ATRIP: variants seen among roughly 807,000 people sequenced by gnomAD.
ATRIP encodes ATR-interacting protein.
ATRIP carries 44 observed loss-of-function variants against 78.1 expected under a neutral mutation model. The ratio of observed to expected loss-of-function variants is 0.56; its 90% CI spans 0.44 to 0.72. The LOEUF (loss-of-function observed/expected upper bound fraction) is 0.72. ATRIP is among the 30% of genes least tolerant of loss of function. ATRIP has a pLI of 0.00. For synonymous variants in ATRIP, 388 were observed against 408.9 expected (o/e 0.95, Z 0.62); for missense variants, 927 against 980.2 (o/e 0.95, Z 0.72).
rs2040273816 is a variant in ATRIP at position 48,465,903 on chromosome 3, C to T, written c.*349C>T. 9.9e-6 allele frequency: 3 copies of T among 303,664 alleles called. No homozygotes were observed. The highest frequency in any genetic ancestry group is 1.9e-5 in the Non-Finnish European group (3 of 156,554). The allele number at this position is 303,664 out of a possible 1,614,324, so 18.8% of individuals were successfully genotyped here. ...GAAGGAGGTGGCTCTTGGCCCAGGC[C>T]TAAACCAGGAAAGCCTGGGAAACTG... On this transcript the variant is annotated 3_prime_UTR_variant, in exon 13 of 13. Transcript: ENST00000320211.
chr3:48,457,881 TTTA>T lies in ATRIP; in HGVS notation c.829+473_829+475del, dbSNP rs1246337709. On this transcript the variant is annotated intron_variant, in intron 5 of 12. Transcript: ENST00000320211. ...TTTAATTTTTATTTTTTATTTTTAT[TTTA>T]TTATTATACTTTAAATTTTAGGGTA... Among the ~76,000 whole-genome samples, 6 of 152,090 alleles carry T rather than the reference TTTA, an allele frequency of 3.9e-5. No homozygotes were observed. In the East Asian group the frequency reaches 5.8e-4, roughly 15 times the overall value.
chr3:48,464,249 T>G lies in ATRIP; in HGVS notation c.1974+117T>G. ...CTTTAATTCATTTTAGTAACAAGAG[T>G]TGATAAAGCAACTAAAGAGGTAAAC... is the stretch of plus-strand genomic sequence containing the variant. On this transcript the variant is annotated intron_variant, in intron 10 of 12. Transcript: ENST00000320211. The G allele has an allele frequency of 1.4e-5, 14 of 975,370 alleles. No individual in the cohort carries two copies. In the South Asian group the frequency reaches 1.9e-4, roughly 13 times the overall value. The allele number at this position is 975,370 out of a possible 1,614,324, so 60.4% of individuals were successfully genotyped here.
chr3:48,447,016 C>T lies in ATRIP; in HGVS notation c.171C>T (p.Ala57=). The change falls in exon 1 of 13, where the codon GCC becomes GCT. Residue 57 remains alanine (A), a synonymous_variant. Transcript: ENST00000320211. ...TCGGCGCGCATGGGGACTTCACTGC[C>T]GACGACCTGGAGGAGCTTGACACCC... ...DPFGAHGDFT[A]DDLEELDTLA... is the part of the protein sequence containing the mutation. 1 of 1,581,262 alleles carries T rather than the reference C, an allele frequency of 6.3e-7. No homozygotes were observed. The highest frequency in any genetic ancestry group is 8.6e-7 in the Non-Finnish European group (1 of 1,166,590).
chr3:48,465,325 G>T (rs1374525250), intron 12 of ATRIP, among the ~76,000 whole-genome samples, 162 bp from the exon 13 acceptor site: 1 of 152,260 alleles, frequency 6.6e-6, no homozygotes, highest in Non-Finnish European at 1.5e-5. Context: ...AGCCGTGTCT[G>T]AATTGCCTTT....
chr3:48,465,054 G>A lies in ATRIP; in HGVS notation c.2279G>A (p.Arg760Gln), dbSNP rs140230462. ...ATGCCGGGGGTCAGCATGCTCATCCGAGGGCTTCCTGATGTGACGGACTGT... is the reference window on the plus strand; with the variant it reads ...ATGCCGGGGGTCAGCATGCTCATCCAAGGGCTTCCTGATGTGACGGACTGT... ...QVMPGVSMLI[R>Q]GLPDVTDCEE... The change falls in exon 12 of 13, where the codon CGA (arginine) becomes CAA (glutamine). Residue 760 changes from arginine (R) to glutamine (Q), a missense_variant. Physicochemically the swap from Arg to Gln is conservative, Grantham distance 43. Coordinates refer to ENST00000320211, the MANE Select transcript of ATRIP (RefSeq NM_130384.3). 20 of 1,612,774 alleles carry A rather than the reference G, an allele frequency of 1.2e-5. 1 individual carries two copies. Among genetic ancestry groups the A allele is most frequent in the East Asian group, 2.2e-5 (1 of 44,864 alleles).
At chr3:48,451,975 TC>T in intron 3 of ATRIP, 76 bp downstream of exon 3, 1 of 1,371,834 alleles carries the variant, frequency 7.3e-7, no homozygotes, top group East Asian at 2.4e-5. Flanking sequence ...CTGTAAATCT[TC>T]CAGGGAGATT....
chr3:48,465,072 C>CGGACT lies in ATRIP; in HGVS notation c.2299_2303dup (p.Cys768TrpfsTer49). The CGGACT allele has an allele frequency of 6.2e-7, 1 of 1,609,246 alleles. No individual in the cohort carries two copies. Among genetic ancestry groups the CGGACT allele is most frequent in the Non-Finnish European group, 8.5e-7 (1 of 1,176,406 alleles). On this transcript the variant is annotated frameshift_variant, in exon 12 of 13. Transcript: ENST00000320211. LOFTEE classifies it high-confidence loss of function. ...CTCATCCGAGGGCTTCCTGATGTGA[C>CGGACT]GGACTGTGAAGGTAAGCCTGCCAGA...
chr3:48,447,527 G>T, intron 1 of ATRIP: 1 of 988,742 alleles, frequency 1.0e-6, no homozygotes, highest in Non-Finnish European at 1.2e-6. Context: ...ACACAGGCAA[G>T]AGATGAAATA....
Position 48,460,281 on chromosome 3 carries a change from A to G in ATRIP, c.1227A>G (p.Pro409=). ...DPAEGGRRAF[P]LCQLPGAVHF... ...CAGAGGGAGGCAGAAGGGCCTTCCC[A>G]CTCTGCCAGCTTCCTGGAGCCGTGC... Residue 409 remains proline, a synonymous_variant, in exon 8 of 13, where the codon CCA becomes CCG. Transcript: ENST00000320211. 6.2e-7 allele frequency: 1 copy of G among 1,613,848 alleles called. No homozygotes were observed. The highest frequency in any genetic ancestry group is 8.5e-7 in the Non-Finnish European group (1 of 1,179,942).
In ATRIP at chr3:48,466,850, C is replaced by G; in HGVS notation, c.*1296C>G. On this transcript the variant is annotated 3_prime_UTR_variant, in exon 13 of 13. Coordinates refer to ENST00000320211, the MANE Select transcript of ATRIP (RefSeq NM_130384.3). ...TTCCTCCACCACCGCGTGTGGTAGA[C>G]AAGCTCTCCCTGTGTGTGGCTCCGG... The G allele has an allele frequency of 6.2e-7, 1 of 1,613,960 alleles. No individual in the cohort carries two copies. The highest frequency in any genetic ancestry group is 8.5e-7 in the Non-Finnish European group (1 of 1,180,046).
At chr3:48,452,870 ATTTTTTT>A (rs71074246) in intron 3 of ATRIP, among the ~76,000 whole-genome samples, 37 of 117,480 alleles carry the variant, frequency 3.1e-4, no homozygotes, top group African/African-American at 4.9e-4. Flanking sequence ...AAATTATTGA[ATTTTTTT>A]TTTTTTTTTT....
chr3:48,449,141 T>A (rs1041987807), intron 1 of ATRIP, among the ~76,000 whole-genome samples: 5 of 152,056 alleles, frequency 3.3e-5, no homozygotes, highest in Non-Finnish European at 5.9e-5. Flanking sequence ...CAGCCGGGTG[T>A]GGTGGCTCAC....
chr3:48,450,301 G>A, intron 2 of ATRIP, 131 bp downstream of exon 2: 5 of 1,266,652 alleles, frequency 3.9e-6, no homozygotes, highest in Non-Finnish European at 5.4e-6. Context: ...GAAAAGACTA[G>A]GGAAAGAAAA....
Position 48,467,302 on chromosome 3 carries a change from T to C in ATRIP, c.*1748T>C, listed in dbSNP as rs142082672. 6 of 1,614,030 alleles carry C rather than the reference T, an allele frequency of 3.7e-6. No individual in the cohort carries two copies. The highest frequency in any genetic ancestry group is 5.1e-6 in the Non-Finnish European group (6 of 1,180,038). The stretch of plus-strand genomic sequence containing the variant: ...TGTCAGTGGAGACCACAGGCCCTGC[T>C]GCGGTGGGTGGATGCTCACGCCAGG... On this transcript the variant is annotated 3_prime_UTR_variant, in exon 13 of 13. Transcript: ENST00000320211.
Position 48,446,778 on chromosome 3 carries a change from C to A in ATRIP, c.-68C>A. 1.5e-6 allele frequency: 2 copies of A among 1,349,530 alleles called. No homozygotes were observed. Among genetic ancestry groups the A allele is most frequent in the South Asian group, 2.4e-5 (1 of 42,480 alleles). 83.6% of individuals were successfully genotyped at this position (1,349,530 alleles called of 1,614,324 possible). A position where few individuals can be genotyped will look rare whatever the true frequency, so the allele number is the denominator to read the frequency against. The stretch of plus-strand genomic sequence containing the variant: ...AGCGGCGGCGCGCGGACGGTTGGTC[C>A]AGTTCTCCGGCCTGGCGGCAGGCAA... On this transcript the variant is annotated 5_prime_UTR_variant, in exon 1 of 13. Transcript: ENST00000320211.
chr3:48,465,657 T>C lies in ATRIP; in HGVS notation c.*103T>C. On this transcript the variant is annotated 3_prime_UTR_variant, in exon 13 of 13. Coordinates refer to ENST00000320211, the MANE Select transcript of ATRIP (RefSeq NM_130384.3). The stretch of plus-strand genomic sequence containing the variant: ...AGCAGGAACTGCCCAGAGAACTGGC[T>C]GGCCTTGTTTCCTGAGTCTGATCTG... The C allele has an allele frequency of 3.2e-6, 4 of 1,242,174 alleles. No homozygotes were observed. Among genetic ancestry groups the C allele is most frequent in the East Asian group, 2.4e-5 (1 of 40,900 alleles). The allele number at this position is 1,242,174 out of a possible 1,614,324, so 76.9% of individuals were successfully genotyped here.
rs2039695731 is a variant in ATRIP, at chr3:48,447,058, G to C, written c.213G>C (p.Leu71=). The C allele has an allele frequency of 1.9e-6, 3 of 1,564,766 alleles. No individual in the cohort carries two copies. Among genetic ancestry groups the C allele is most frequent in the Non-Finnish European group, 2.6e-6 (3 of 1,158,280 alleles). The change falls in exon 1 of 13, where the codon CTG becomes CTC. Residue 71 remains leucine (L), a synonymous_variant. Transcript: ENST00000320211. ...EELDTLASQA[L]SQCPAAARDV... Reference sequence around the variant, plus strand: ...TTGACACCCTCGCGTCACAGGCCCTGAGCCAATGTCCGGCCGCGGCTCGGG... The same window carrying C: ...TTGACACCCTCGCGTCACAGGCCCTCAGCCAATGTCCGGCCGCGGCTCGGG...
rs368490195 is a variant in ATRIP, at chr3:48,460,153, G to T, written c.1099G>T (p.Asp367Tyr). The T allele has an allele frequency of 1.2e-6, 2 of 1,613,686 alleles. No homozygotes were observed. Among genetic ancestry groups the T allele is most frequent in the African/African-American group, 1.3e-5 (1 of 74,916 alleles). Residue 367 changes from aspartate to tyrosine, a missense_variant, in exon 8 of 13, where the codon GAT (aspartate) becomes TAT (tyrosine). By Grantham distance (160) the Asp-to-Tyr change is radical. Transcript: ENST00000320211. ...MSGLRTTGSY[D>Y]GSFSLSALRE... Reference sequence around the variant, plus strand: ...AGGCCTCAGGACCACAGGTTCTTATGATGGGTCATTTTCCCTCTCAGCCCT... The same window carrying T: ...AGGCCTCAGGACCACAGGTTCTTATTATGGGTCATTTTCCCTCTCAGCCCT...
chr3:48,465,484 C>CA lies in ATRIP; in HGVS notation c.2309-2dup. The CA allele has an allele frequency of 6.2e-7, 1 of 1,613,686 alleles. No homozygotes were observed. The highest frequency in any genetic ancestry group is 8.5e-7 in the Non-Finnish European group (1 of 1,179,800). ...CACCAGGAACCTCTCCTTTTTGTCT[C>CA]AGAGGCAGCCCTGGATGACCTCTGT... is the stretch of plus-strand genomic sequence containing the variant. On this transcript the variant is annotated splice_polypyrimidine_tract_variant and splice_region_variant and intron_variant, in intron 12 of 12. Coordinates refer to ENST00000320211, the MANE Select transcript of ATRIP (RefSeq NM_130384.3).
Sources: gnomAD v4.1 joint callset for allele counts (sites outside exome capture counted in the v4.1 genomes callset) on GRCh38, gnomAD v4.1.1 for gene constraint, MANE v1.5 for transcripts, NCBI Gene and HGNC (gene_info 2026-07-23, HGNC 2026-07-21) for gene names.